CENPF: variants seen among roughly 807,000 people sequenced by gnomAD.
The protein encoded by CENPF is AH antigen.
Under a neutral mutation model 307.3 loss-of-function variants are expected in CENPF, and 214 were observed. The ratio of observed to expected loss-of-function variants is 0.70; its 90% CI spans 0.62 to 0.78. The LOEUF is 0.78. CENPF is among the 30% of genes least tolerant of loss of function. The probability of loss-of-function intolerance (pLI) is 0.00; values close to 1 mark genes in which losing one functional copy is unlikely to be tolerated. For synonymous variants in CENPF, 1,259 were observed against 1,270.6 expected (o/e 0.99, Z 0.19); for missense variants, 3,401 against 3,483.9 (o/e 0.98, Z 0.60).
At chr1:214,624,384 A>G (rs972748783) in intron 7 of CENPF, among the ~76,000 whole-genome samples, 2 of 152,048 alleles carry the variant, frequency 1.3e-5, no homozygotes, top group African/African-American at 2.4e-5. Flanking sequence ...AGAATTCTCT[A>G]GTGAAATCAT....
In CENPF at chr1:214,637,955, C is replaced by T; in HGVS notation, c.1536C>T (p.Ile512=). ...ACCTGGAGGCAGAACTCAAGAACAT[C>T]AAACAGTGTTTAAATCAGAGCCAGA... The part of the protein sequence containing the change: ...VCHLEAELKN[I]KQCLNQSQNF... The change falls in exon 11 of 20, where the codon ATC becomes ATT. Residue 512 remains isoleucine, a synonymous_variant. Coordinates refer to ENST00000366955, the MANE Select transcript of CENPF (RefSeq NM_016343.4). 6.2e-7 allele frequency: 1 copy of T among 1,613,164 alleles called. No individual in the cohort carries two copies. The highest frequency in any genetic ancestry group is 8.5e-7 in the Non-Finnish European group (1 of 1,179,814).
In CENPF at chr1:214,659,258, A is replaced by C. The variant is rs1197647778; in HGVS notation, c.9141+230A>C. Reference sequence around the variant, plus strand: ...AGGCCGCTTATATGTAGTTTGATGGAAAATGGCATTGTTACATCAAAACTC... The same window carrying C: ...AGGCCGCTTATATGTAGTTTGATGGCAAATGGCATTGTTACATCAAAACTC... On this transcript the variant is annotated intron_variant, in intron 19 of 19. Coordinates refer to ENST00000366955, the MANE Select transcript of CENPF (RefSeq NM_016343.4). The surrounding 1 kb of genome is among the most constrained non-coding windows in gnomAD (Gnocchi z 4.4). 1.3e-5 allele frequency among the ~76,000 whole-genome samples: 2 copies of C among 152,190 alleles called. No homozygotes were observed. Among genetic ancestry groups the C allele is most frequent in the Non-Finnish European group, 2.9e-5 (2 of 68,034 alleles).
intron 3 of CENPF, among the ~76,000 whole-genome samples, chr1:214,615,668 G>C (rs550669654): frequency 1.3e-5 from 2 of 152,294 alleles, no homozygotes; most frequent in East Asian, 3.9e-4. Flanking sequence ...GCTGGGCTAG[G>C]TGGCTCATGC....
rs879175734 is a variant in CENPF, at chr1:214,645,982, A to G, written c.6412A>G (p.Ile2138Val). 1.2e-6 allele frequency: 2 copies of G among 1,614,026 alleles called. No individual in the cohort carries two copies. The highest frequency in any genetic ancestry group is 1.7e-6 in the Non-Finnish European group (2 of 1,180,046). Reference sequence around the variant, plus strand: ...GGCCGATGAAAAGAAGCAGCTGCACATCGCAGAGAAACTGAAAGAACGCGA... The same window carrying G: ...GGCCGATGAAAAGAAGCAGCTGCACGTCGCAGAGAAACTGAAAGAACGCGA... ...IEADEKKQLHIAEKLKERERE... is the reference protein window; with the variant it reads ...IEADEKKQLHVAEKLKERERE... The change falls in exon 13 of 20, where the codon ATC becomes GTC. Residue 2138 changes from isoleucine (I) to valine (V), a missense_variant. Physicochemically the swap from Ile to Val is conservative, Grantham distance 29 (BLOSUM62 3). Transcript: ENST00000366955.
In CENPF at chr1:214,645,253, G is replaced by A; in HGVS notation, c.5683G>A (p.Glu1895Lys). 1 of 1,614,106 alleles carries A rather than the reference G, an allele frequency of 6.2e-7. No individual in the cohort carries two copies. The highest frequency in any genetic ancestry group is 1.1e-5 in the South Asian group (1 of 91,080). The change falls in exon 13 of 20, where the codon GAG (glutamate) becomes AAG (lysine). Residue 1895 changes from glutamate (E) to lysine (K), a missense_variant. Physicochemically the swap from Glu to Lys is moderately conservative, Grantham distance 56. Transcript: ENST00000366955. ...NVAKVNDSWK[E>K]RFLDVENELS... ...GGCCAAGGTGAATGACAGCTGGAAG[G>A]AGAGATTTCTTGATGTGGAAAATGA... is the stretch of plus-strand genomic sequence containing the variant.
At chr1:214,622,314 C>A in intron 7 of CENPF, 33 bp downstream of exon 7, 6 of 1,494,316 alleles carry the variant, frequency 4.0e-6, no homozygotes, top group Non-Finnish European at 5.5e-6. Context: ...CTGGAGAAAT[C>A]TTCATCTTTT....
At chr1:214,663,238 C>G (rs1658830812) in intron 19 of CENPF, among the ~76,000 whole-genome samples, 1 of 152,192 alleles carries the variant, frequency 6.6e-6, no homozygotes, top group South Asian at 2.1e-4. Context: ...TTTTAAACAA[C>G]AGGAATGGCT....
chr1:214,652,825 T>C lies in CENPF; in HGVS notation c.8161-3T>C. On this transcript the variant is annotated splice_region_variant and splice_polypyrimidine_tract_variant and intron_variant, in intron 15 of 19. Coordinates refer to ENST00000366955, the MANE Select transcript of CENPF (RefSeq NM_016343.4). ...TTGGTTTTTTTTGTTTGTTTTGCTCTAGTATGAAGTAGAAATCCAGACATA... is the reference window on the plus strand; with the variant it reads ...TTGGTTTTTTTTGTTTGTTTTGCTCCAGTATGAAGTAGAAATCCAGACATA... 1 of 1,568,500 alleles carries C rather than the reference T, an allele frequency of 6.4e-7. No homozygotes were observed. Among genetic ancestry groups the C allele is most frequent in the Non-Finnish European group, 8.6e-7 (1 of 1,164,874 alleles).
chr1:214,617,004 T>G (rs948755024), intron 3 of CENPF, among the ~76,000 whole-genome samples: 19 of 139,688 alleles, frequency 1.4e-4, no homozygotes, highest in Non-Finnish European at 2.5e-4. Flanking sequence ...CTTTCTCTCT[T>G]TCTTTCTTTC....
intron 1 of CENPF, chr1:214,608,843 C>T (rs1184662818): frequency 1.2e-5 from 18 of 1,562,268 alleles, no homozygotes; most frequent in Admixed American, 3.6e-5. Flanking sequence ...CCGTTCATGG[C>T]GGGCGCCGCC....
At chr1:214,634,515 A>G (rs1657903804) in intron 10 of CENPF, among the ~76,000 whole-genome samples, 1 of 152,218 alleles carries the variant, frequency 6.6e-6, no homozygotes, top group Admixed American at 6.5e-5. Context: ...CCTCATCTGC[A>G]TATAGGGACA....
Position 214,640,233 on chromosome 1 carries a change from A to G in CENPF, c.1895A>G (p.Gln632Arg), listed in dbSNP as rs140953760. Residue 632 changes from glutamine (Q) to arginine (R), a missense_variant, in exon 12 of 20, where the codon CAG becomes CGG. By Grantham distance (43) the Gln-to-Arg change is conservative. Coordinates refer to ENST00000366955, the MANE Select transcript of CENPF (RefSeq NM_016343.4). ...WKSENEKLLTQMESEKENLQS... is the reference protein window; with the variant it reads ...WKSENEKLLTRMESEKENLQS... ...AGTGAAAACGAAAAACTTTTAACTC[A>G]GATGGAATCAGAAAAGGAAAACTTG... 113 of 1,611,114 alleles carry G rather than the reference A, an allele frequency of 7.0e-5. No homozygotes were observed. In the African/African-American group the frequency reaches 1.4e-3, roughly 20 times the overall value.
chr1:214,659,162 C>T lies in CENPF; in HGVS notation c.9141+134C>T. On this transcript the variant is annotated intron_variant, in intron 19 of 19. Transcript: ENST00000366955. This position sits in a 1 kb window ranked among gnomAD's most constrained non-coding sequence, Gnocchi z 4.4. ...CTGACCTTCTTGGTGTGGTGTAAGT[C>T]AGTCAGTAGTGAGCAAGTGACCGGG... is the stretch of plus-strand genomic sequence containing the variant. The T allele has an allele frequency of 2.4e-6, 2 of 835,718 alleles. No individual in the cohort carries two copies. Among genetic ancestry groups the T allele is most frequent in the Non-Finnish European group, 3.7e-6 (2 of 540,418 alleles). The allele number at this position is 835,718 out of a possible 1,614,324, so 51.8% of individuals were successfully genotyped here.
chr1:214,638,107 A>G lies in CENPF; in HGVS notation c.1582+106A>G, dbSNP rs1658012495. 5 of 1,158,968 alleles carry G rather than the reference A, an allele frequency of 4.3e-6. No individual in the cohort carries two copies. In the South Asian group the frequency reaches 5.1e-5, roughly 12 times the overall value. 71.8% of individuals were successfully genotyped at this position (1,158,968 alleles called of 1,614,324 possible). A position where few individuals can be genotyped will look rare whatever the true frequency, so the allele number is the denominator to read the frequency against. On this transcript the variant is annotated intron_variant, in intron 11 of 19. Coordinates refer to ENST00000366955, the MANE Select transcript of CENPF (RefSeq NM_016343.4). Reference sequence around the variant, plus strand: ...AGAAACTCTTTGGATTTTTTTTCATATATTCCCTCAAAAAGATGTGCGCAG... The same window carrying G: ...AGAAACTCTTTGGATTTTTTTTCATGTATTCCCTCAAAAAGATGTGCGCAG...
At chr1:214,633,844 A>G (rs1444870718) in intron 10 of CENPF, among the ~76,000 whole-genome samples, 1 of 152,250 alleles carries the variant, frequency 6.6e-6, no homozygotes, top group Non-Finnish European at 1.5e-5. Context: ...AGTGGGGACC[A>G]ACCAACAGAT....
In CENPF at chr1:214,647,015, A is replaced by G. The variant is rs780202158; in HGVS notation, c.7445A>G (p.Lys2482Arg). Residue 2482 changes from lysine to arginine, a missense_variant, in exon 13 of 20, where the codon AAG becomes AGG. Lys to Arg is a conservative substitution (Grantham distance 26). Coordinates refer to ENST00000366955, the MANE Select transcript of CENPF (RefSeq NM_016343.4). The part of the protein sequence containing the change: ...SSQVECLELE[K>R]AQLLQGLDEA... ...CAAGTAGAGTGTCTTGAACTTGAGA[A>G]GGCTCAGTTGCTACAAGGCCTTGAT... 1 of 1,613,996 alleles carries G rather than the reference A, an allele frequency of 6.2e-7. No individual in the cohort carries two copies. The highest frequency in any genetic ancestry group is 2.2e-5 in the East Asian group (1 of 44,878).
At position 214,657,050 on chromosome 1, in the gene CENPF, T is replaced by TTATAAGCC. The variant is rs777334873; in HGVS notation, c.8604_8611dup (p.His2871LeufsTer2). On this transcript the variant is annotated frameshift_variant, in exon 18 of 20. Transcript: ENST00000366955. LOFTEE classifies it high-confidence loss of function. ...TACTTGGATAAGTACTGTTCCTTGCTTATAAGCCATGAAAAGTTAGAGAAA... is the reference window on the plus strand; with the variant it reads ...TACTTGGATAAGTACTGTTCCTTGCTTATAAGCCTATAAGCCATGAAAAGTTAGAGAAA... 6.2e-7 allele frequency: 1 copy of TTATAAGCC among 1,614,156 alleles called. No homozygotes were observed. Among genetic ancestry groups the TTATAAGCC allele is most frequent in the East Asian group, 2.2e-5 (1 of 44,876 alleles).
rs998183152 is a variant in CENPF at position 214,645,216 on chromosome 1, T to G, written c.5646T>G (p.Ile1882Met). Residue 1882 changes from isoleucine to methionine, a missense_variant, in exon 13 of 20, where the codon ATT (isoleucine) becomes ATG (methionine). Coordinates refer to ENST00000366955, the MANE Select transcript of CENPF (RefSeq NM_016343.4). ...CAGATAAATCATCACGTGAAGATAT[T>G]GGAGATAATGTGGCCAAGGTGAATG... ...MHADKSSRED[I>M]GDNVAKVNDS... 6.2e-7 allele frequency: 1 copy of G among 1,613,832 alleles called. No individual in the cohort carries two copies. Among genetic ancestry groups the G allele is most frequent in the African/African-American group, 1.3e-5 (1 of 74,878 alleles).
At position 214,644,771 on chromosome 1, in the gene CENPF, C is replaced by A. The variant is rs756550973; in HGVS notation, c.5201C>A (p.Pro1734Gln). The A allele has an allele frequency of 3.7e-5, 59 of 1,613,706 alleles. No homozygotes were observed. Among genetic ancestry groups the A allele is most frequent in the Admixed American group, 2.2e-4 (13 of 59,954 alleles). ...TCCCCAGATACCAATTATGAGCCTCCAGGGGAAGATAAAACCCAGGGCTCT... is the reference window on the plus strand; with the variant it reads ...TCCCCAGATACCAATTATGAGCCTCAAGGGGAAGATAAAACCCAGGGCTCT... ...EQSPDTNYEP[P>Q]GEDKTQGSSE... The change falls in exon 13 of 20, where the codon CCA becomes CAA. Residue 1734 changes from proline (P) to glutamine (Q), a missense_variant. Pro to Gln is a moderately conservative substitution (Grantham distance 76). Coordinates refer to ENST00000366955, the MANE Select transcript of CENPF (RefSeq NM_016343.4).
Sources: allele counts gnomAD v4.1 joint callset (sites outside exome capture counted in the v4.1 genomes callset), GRCh38; gene constraint gnomAD v4.1.1; non-coding constraint Gnocchi (gnomAD v3.1); transcripts MANE v1.5; gene names NCBI Gene and HGNC (gene_info 2026-07-23, HGNC 2026-07-21).